TEK: variants seen among roughly 807,000 people sequenced by gnomAD.
TEK encodes TEK receptor tyrosine kinase.
A neutral mutation model predicts 131.8 loss-of-function variants in TEK; 43 were observed. The ratio of observed to expected loss-of-function variants is 0.33; its 90% confidence interval spans 0.26 to 0.42. TEK has a LOEUF of 0.42. Among genes scored for constraint, TEK ranks in the 10% least tolerant of loss-of-function variants. TEK has a pLI of 1.00. For synonymous variants in TEK, 580 were observed against 491.6 expected (o/e 1.18, Z -2.38); for missense variants, 1,162 against 1,384.4 (o/e 0.84, Z 2.55).
intron 1 of TEK, among the ~76,000 whole-genome samples, chr9:27,125,636 C>A (rs760472513): frequency 1.4e-4 from 21 of 152,184 alleles, no homozygotes; most frequent in Non-Finnish European, 2.6e-4. Flanking sequence ...AGTTGTTTCA[C>A]CTTTCTGTAG....
At chr9:27,191,232 C>T (rs908818348) in intron 10 of TEK, among the ~76,000 whole-genome samples, 6 of 151,934 alleles carry the variant, frequency 3.9e-5, no homozygotes, top group African/African-American at 9.7e-5. Context: ...GGAATGGGCT[C>T]GGGGGAGGAC....
chr9:27,229,385 T>G lies in TEK; in HGVS notation c.*153T>G. 1 of 746,182 alleles carries G rather than the reference T, an allele frequency of 1.3e-6. No individual in the cohort carries two copies. Among genetic ancestry groups the G allele is most frequent in the Non-Finnish European group, 2.4e-6 (1 of 415,136 alleles). The allele number at this position is 746,182 out of a possible 1,614,324, so 46.2% of individuals were successfully genotyped here. A position where few individuals can be genotyped will look rare whatever the true frequency, so the allele number is the denominator to read the frequency against. ...CCTTCACCACTGTAGATCCCATGCA[T>G]GGATCTATGTAGTATGCTCTGACTC... is the stretch of plus-strand genomic sequence containing the variant. On this transcript the variant is annotated 3_prime_UTR_variant, in exon 23 of 23. Coordinates refer to ENST00000380036, the MANE Select transcript of TEK (RefSeq NM_000459.5).
intron 12 of TEK, among the ~76,000 whole-genome samples, chr9:27,201,737 A>G (rs1825219890): frequency 6.6e-6 from 1 of 152,230 alleles, no homozygotes; most frequent in Non-Finnish European, 1.5e-5. Context: ...ATACTTCTCA[A>G]AGGTTCTAAA....
In TEK at chr9:27,183,332, C is replaced by A. The variant is rs182325941; in HGVS notation, c.1031-127C>A. Reference sequence around the variant, plus strand: ...ACATCACAGGTGTCTTATGTGATGACAAAACAGTAAAATATTTGCAAAGTT... The same window carrying A: ...ACATCACAGGTGTCTTATGTGATGAAAAAACAGTAAAATATTTGCAAAGTT... On this transcript the variant is annotated intron_variant, in intron 7 of 22. Coordinates refer to ENST00000380036, the MANE Select transcript of TEK (RefSeq NM_000459.5). 8.3e-5 allele frequency: 89 copies of A among 1,071,328 alleles called. 1 individual carries two copies. The East Asian group carries it at 2.0e-3, about 24-fold the overall frequency. The allele number at this position is 1,071,328 out of a possible 1,614,324, so 66.4% of individuals were successfully genotyped here. A position where few individuals can be genotyped will look rare whatever the true frequency, so the allele number is the denominator to read the frequency against.
intron 1 of TEK, among the ~76,000 whole-genome samples, chr9:27,138,488 T>C (rs1012844037): frequency 1.3e-5 from 2 of 152,224 alleles, no homozygotes; most frequent in Non-Finnish European, 2.9e-5. Context: ...TACAGAGTGC[T>C]GATTGGTGCA....
Position 27,220,034 on chromosome 9 carries a change from C to CTGTT in TEK, c.3104-11_3104-8dup, listed in dbSNP as rs751717364. On this transcript the variant is annotated splice_polypyrimidine_tract_variant and intron_variant, in intron 20 of 22. Transcript: ENST00000380036. ...ATGCCAGAGAGGACTTAGAGTGGCA[C>CTGTT]TGTTTGTCTTCCAGGAGGCACACCC... The CTGTT allele has an allele frequency of 6.6e-5, 107 of 1,613,490 alleles. No homozygotes were observed. The highest frequency in any genetic ancestry group is 2.3e-4 in the African/African-American group (17 of 74,986).
intron 1 of TEK, among the ~76,000 whole-genome samples, chr9:27,137,120 G>A (rs1304245230): frequency 6.6e-6 from 1 of 152,084 alleles, no homozygotes. Context: ...GTTTCACCAT[G>A]TTCCCCAAGA....
intron 11 of TEK, 67 bp from the exon 12 acceptor site, chr9:27,197,248 G>A: frequency 6.5e-7 from 1 of 1,547,978 alleles, no homozygotes; most frequent in Admixed American, 1.7e-5. Flanking sequence ...ATGAGATTTG[G>A]GTGGGGACAC....
At chr9:27,228,899 G>C (rs1316358353) in intron 22 of TEK, among the ~76,000 whole-genome samples, 4 of 152,114 alleles carry the variant, frequency 2.6e-5, no homozygotes, top group Non-Finnish European at 5.9e-5. Context: ...ACATTAGGAG[G>C]TACCAATAAG....
chr9:27,150,464 TG>T (rs532179018), intron 1 of TEK, among the ~76,000 whole-genome samples: 3 of 151,846 alleles, frequency 2.0e-5, no homozygotes, highest in African/African-American at 7.3e-5. Context: ...AAAGATTAGC[TG>T]GGGGGAGGGG....
At chr9:27,129,932 A>C (rs897135556) in intron 1 of TEK, among the ~76,000 whole-genome samples, 1 of 152,196 alleles carries the variant, frequency 6.6e-6, no homozygotes, top group Admixed American at 6.5e-5. Context: ...GGTAGGTTTA[A>C]GTATTGTTTT....
At chr9:27,153,305 C>T (rs973557069) in intron 1 of TEK, among the ~76,000 whole-genome samples, 6 of 152,016 alleles carry the variant, frequency 3.9e-5, no homozygotes, top group African/African-American at 1.2e-4. Context: ...AAAAAATTAG[C>T]TGGGCGTGGT....
rs1471631298 is a variant in TEK, at chr9:27,218,878, CACTCCCTTGCTGCATA to C, written c.3103+63_3103+78del. On this transcript the variant is annotated intron_variant, in intron 20 of 22. Transcript: ENST00000380036. ...AGGCAAAGTGAGTGGAAGCCTCTAG[CACTCCCTTGCTGCATA>C]ATTCCACAGGATGCCGTTTGTATGT... 6.7e-6 allele frequency: 10 copies of C among 1,492,908 alleles called. No individual in the cohort carries two copies. In the African/African-American group the frequency reaches 1.2e-4, roughly 19 times the overall value. 92.5% of individuals were successfully genotyped at this position (1,492,908 alleles called of 1,614,324 possible). A position where few individuals can be genotyped will look rare whatever the true frequency, so the allele number is the denominator to read the frequency against.
In TEK at chr9:27,222,830, C is replaced by A. The variant is rs371144141; in HGVS notation, c.3200+2685C>A. On this transcript the variant is annotated intron_variant, in intron 21 of 22. Coordinates refer to ENST00000380036, the MANE Select transcript of TEK (RefSeq NM_000459.5). ...TAATGGGAAAAATAACCAGCTAGTG[C>A]AGCATAATGACAGGATCAAATTCAC... Among the ~76,000 whole-genome samples, 7 of 152,050 alleles carry A rather than the reference C, an allele frequency of 4.6e-5. No individual in the cohort carries two copies. In the East Asian group the frequency reaches 5.8e-4, roughly 13 times the overall value.
In TEK at chr9:27,190,705, G is replaced by T. The variant is rs1235952256; in HGVS notation, c.1489+15G>T. ...ACATATTCAAGGTAAGCTTTGGACA[G>T]GATAGATGCCAGCTGGGGATGTGGC... On this transcript the variant is annotated intron_variant, in intron 10 of 22. Coordinates refer to ENST00000380036, the MANE Select transcript of TEK (RefSeq NM_000459.5). The T allele has an allele frequency of 6.2e-7, 1 of 1,613,656 alleles. No homozygotes were observed. The highest frequency in any genetic ancestry group is 8.5e-7 in the Non-Finnish European group (1 of 1,179,770).
At chr9:27,172,777 T>C (rs1262489521) in intron 5 of TEK, 30 bp downstream of exon 5, 3 of 1,612,236 alleles carry the variant, frequency 1.9e-6, no homozygotes, top group Non-Finnish European at 2.5e-6. Flanking sequence ...AAGTAAGCTG[T>C]GGATTTAAAA....
intron 22 of TEK, 129 bp downstream of exon 22, chr9:27,228,434 G>A: frequency 1.3e-6 from 1 of 746,566 alleles, no homozygotes; most frequent in Non-Finnish European, 2.3e-6. Flanking sequence ...AGAAACAAAG[G>A]ATGTCCCTCC....
chr9:27,206,068 CA>C (rs1464669285), intron 14 of TEK, among the ~76,000 whole-genome samples: 4 of 152,184 alleles, frequency 2.6e-5, no homozygotes, highest in African/African-American at 9.6e-5. Flanking sequence ...CTCTAAGCTT[CA>C]ATCATCTTGT....
intron 1 of TEK, among the ~76,000 whole-genome samples, chr9:27,124,055 C>T (rs572885423): frequency 3.0e-4 from 46 of 152,304 alleles, no homozygotes; most frequent in African/African-American, 1.1e-3. Flanking sequence ...GGGTGGGTGG[C>T]GTGAGCCACC....
Sources: gnomAD v4.1 joint callset for allele counts (sites outside exome capture counted in the v4.1 genomes callset) on GRCh38, gnomAD v4.1.1 for gene constraint, MANE v1.5 for transcripts, NCBI Gene and HGNC (gene_info 2026-07-23, HGNC 2026-07-21) for gene names.